The following LIMA1 variants were observed in gnomAD, a reference collection of about 807,000 sequenced individuals.
The protein encoded by LIMA1 is LIM domain and actin-binding protein 1.
Under a neutral mutation model 62.6 loss-of-function variants are expected in LIMA1, and 52 were observed. The ratio of observed to expected loss-of-function variants is 0.83; its 90% CI spans 0.67 to 1.05. The LOEUF is 1.05. LIMA1 is among the 50% of genes least tolerant of loss of function. The pLI is 0.00. For synonymous variants in LIMA1, 302 were observed against 317.8 expected, an observed-to-expected ratio of 0.95 and a Z score of 0.53; for missense variants, 780 against 902.2, an observed-to-expected ratio of 0.86 and a Z score of 1.74.
chr12:50,209,567 C>CAA (rs1203309856), intron 4 of LIMA1, among the ~76,000 whole-genome samples: 1,842 of 61,360 alleles, frequency 0.03, 113 homozygotes, highest in African/African-American at 0.082. Flanking sequence ...GACTCCATCT[C>CAA]AAAAAAAAAA....
In LIMA1 at chr12:50,177,296, C is replaced by G. The variant is rs147543382; in HGVS notation, c.2048G>C (p.Gly683Ala). Reference sequence around the variant, plus strand: ...GTTATCATCTTCATCGGAGTCTGCACCATTTTCTACAAGATTCTCATTCTC... The same window carrying G: ...GTTATCATCTTCATCGGAGTCTGCAGCATTTTCTACAAGATTCTCATTCTC... ...EMENENLVEN[G>A]ADSDEDDNSF... Residue 683 changes from glycine to alanine, a missense_variant, in exon 11 of 11, where the codon GGT becomes GCT. Gly to Ala is a moderately conservative substitution (Grantham distance 60). Transcript: ENST00000341247. 1 of 1,614,044 alleles carries G rather than the reference C, an allele frequency of 6.2e-7. No individual in the cohort carries two copies. Among genetic ancestry groups the G allele is most frequent in the South Asian group, 1.1e-5 (1 of 91,082 alleles).
intron 1 of LIMA1, among the ~76,000 whole-genome samples, chr12:50,269,642 G>C (rs1299171414): frequency 6.6e-6 from 1 of 152,052 alleles, no homozygotes; most frequent in African/African-American, 2.4e-5. Flanking sequence ...TTTTAGGAGC[G>C]GGCGCAGTGG....
intron 4 of LIMA1, among the ~76,000 whole-genome samples, chr12:50,208,268 G>C (rs138675367): frequency 6.6e-6 from 1 of 151,958 alleles, no homozygotes; most frequent in Non-Finnish European, 1.5e-5. Context: ...GAAGGATCAC[G>C]AGGTCAGGAG....
chr12:50,215,907 G>A (rs535999374), intron 4 of LIMA1, among the ~76,000 whole-genome samples: 9 of 152,158 alleles, frequency 5.9e-5, no homozygotes, highest in East Asian at 2.0e-4. Context: ...AAAATTAGCC[G>A]GACTTCGTGG....
In LIMA1 at chr12:50,193,553, AT is replaced by A. The variant is rs1940838961; in HGVS notation, c.1031-993del. 3.7e-5 allele frequency among the ~76,000 whole-genome samples: 5 copies of A among 133,666 alleles called. No homozygotes were observed. The South Asian group carries it at 8.8e-4, about 23-fold the overall frequency. The allele number at this position is 133,666 out of a possible 152,430, so 87.7% of individuals were successfully genotyped here. ...ATATATGATATATATATACATATAT[AT>A]CATATATGTATATATGATATATATA... is the stretch of plus-strand genomic sequence containing the variant. On this transcript the variant is annotated intron_variant, in intron 8 of 10. Transcript: ENST00000341247.
rs1019721791 is a variant in LIMA1, at chr12:50,175,937, C to G, written c.*1127G>C. ...AAAGCCTACAGCTTAAGACACCTCT[C>G]CCTCCCATCCATACAATTTGGAATA... On this transcript the variant is annotated 3_prime_UTR_variant, in exon 11 of 11. Coordinates refer to ENST00000341247, the MANE Select transcript of LIMA1 (RefSeq NM_016357.5). The G allele has an allele frequency of 6.6e-6, 1 of 152,170 alleles. No individual in the cohort carries two copies. The highest frequency in any genetic ancestry group is 1.5e-5 in the Non-Finnish European group (1 of 68,030). 9.4% of individuals were successfully genotyped at this position (152,170 alleles called of 1,614,324 possible). A position where few individuals can be genotyped will look rare whatever the true frequency, so the allele number is the denominator to read the frequency against.
chr12:50,205,759 A>C (rs1941139376), intron 5 of LIMA1, among the ~76,000 whole-genome samples: 1 of 150,494 alleles, frequency 6.6e-6, no homozygotes, highest in African/African-American at 2.5e-5. Flanking sequence ...CATGCCTGTA[A>C]TCCCAGCACT....
chr12:50,271,558 CT>C (rs1942212448), intron 1 of LIMA1, among the ~76,000 whole-genome samples: 1 of 152,040 alleles, frequency 6.6e-6, no homozygotes, highest in African/African-American at 2.4e-5. Context: ...AGAAAAATCT[CT>C]TTCAGTAAGT....
chr12:50,199,932 T>C (rs1941008833), intron 7 of LIMA1, among the ~76,000 whole-genome samples: 1 of 152,078 alleles, frequency 6.6e-6, no homozygotes, highest in Non-Finnish European at 1.5e-5. Context: ...TCGCTCTTGT[T>C]GCTTAGGCTG....
At chr12:50,183,786 G>C (rs936945327) in intron 9 of LIMA1, among the ~76,000 whole-genome samples, 2 of 143,382 alleles carry the variant, frequency 1.4e-5, no homozygotes, top group African/African-American at 5.2e-5. Context: ...ACTCCAGCTT[G>C]GGCAACAGAG....
chr12:50,275,662 C>A (rs1051214081), intron 1 of LIMA1, among the ~76,000 whole-genome samples: 1 of 151,828 alleles, frequency 6.6e-6, no homozygotes, highest in Non-Finnish European at 1.5e-5. Context: ...AGGATTTCAA[C>A]AAGAGGGTGG....
intron 6 of LIMA1, among the ~76,000 whole-genome samples, chr12:50,202,426 G>C (rs1235900414): frequency 1.3e-5 from 2 of 152,128 alleles, no homozygotes; most frequent in African/African-American, 2.4e-5. Flanking sequence ...CCCCACATAG[G>C]GAGTCACCTG....
chr12:50,234,147 A>C, intron 2 of LIMA1: 1 of 464,778 alleles, frequency 2.2e-6, no homozygotes, highest in Non-Finnish European at 4.4e-6. Context: ...CCATTTAAAG[A>C]CTAAGTGGTC....
intron 8 of LIMA1, among the ~76,000 whole-genome samples, chr12:50,193,588 TATATG>T (rs1277356998): frequency 9.0e-6 from 1 of 111,552 alleles, no homozygotes; most frequent in Non-Finnish European, 1.8e-5. Flanking sequence ...TATACATGTA[TATATG>T]ATATATATAT....
At chr12:50,202,231 G>T (rs938652977) in intron 6 of LIMA1, 3 of 152,252 alleles carry the variant, frequency 2.0e-5, no homozygotes, top group African/African-American at 7.2e-5. Context: ...TGCTGCCAGA[G>T]AGTATGTATG....
At chr12:50,216,535 C>T (rs998688688) in intron 4 of LIMA1, among the ~76,000 whole-genome samples, 4 of 152,034 alleles carry the variant, frequency 2.6e-5, no homozygotes, top group Non-Finnish European at 5.9e-5. Context: ...TTTCTTTTGA[C>T]GATAGGTTAC....
chr12:50,247,008 T>G (rs1941859197), intron 2 of LIMA1, among the ~76,000 whole-genome samples: 1 of 152,128 alleles, frequency 6.6e-6, no homozygotes, highest in Admixed American at 6.5e-5. Flanking sequence ...CAGTGGTGTG[T>G]GCCTATAGTC....
chr12:50,178,966 A>ATATATATAT (rs56674261), intron 10 of LIMA1, among the ~76,000 whole-genome samples: 1 of 128,930 alleles, frequency 7.8e-6, no homozygotes, highest in Non-Finnish European at 1.8e-5. Flanking sequence ...ATATATATAT[A>ATATATATAT]TTTTTTTTTT....
intron 4 of LIMA1, among the ~76,000 whole-genome samples, chr12:50,211,297 T>C (rs1033967636): frequency 7.4e-6 from 1 of 135,236 alleles, no homozygotes; most frequent in African/African-American, 2.8e-5. Flanking sequence ...CACTCCAGCC[T>C]GGGCAACAAG....
Sources: gnomAD v4.1 joint callset for allele counts (sites outside exome capture counted in the v4.1 genomes callset) on GRCh38, gnomAD v4.1.1 for gene constraint, MANE v1.5 for transcripts, NCBI Gene and HGNC (gene_info 2026-07-23, HGNC 2026-07-21) for gene names.